CBX1: variants seen among roughly 807,000 people sequenced by gnomAD.
CBX1 encodes chromobox 1.
In CBX1, 10 loss-of-function variants were observed where a neutral mutation model predicts 25.1. The observed-to-expected ratio is 0.40, with a 90% CI of 0.25 to 0.68. The LOEUF is 0.68. Among genes scored for constraint, CBX1 ranks in the 30% least tolerant of loss-of-function variants. CBX1 has a pLI of 0.40. For synonymous variants in CBX1, 63 were observed against 79.4 expected (o/e 0.79, Z 1.10); for missense variants, 106 against 218.5 (o/e 0.49, Z 3.25).
chr17:48,083,773 G>C (rs988609355), intron 1 of CBX1, among the ~76,000 whole-genome samples: 2 of 150,018 alleles, frequency 1.3e-5, no homozygotes, highest in Admixed American at 6.6e-5. Flanking sequence ...ACAGTGAGCC[G>C]AGATTGCGCC....
chr17:48,074,007 C>A (rs1258999605), intron 4 of CBX1, among the ~76,000 whole-genome samples: 1 of 152,108 alleles, frequency 6.6e-6, no homozygotes, highest in Non-Finnish European at 1.5e-5. Flanking sequence ...ATGAACTTTT[C>A]TCTTATAGGT....
intron 1 of CBX1, among the ~76,000 whole-genome samples, chr17:48,096,788 G>C (rs1255997121): frequency 6.6e-6 from 1 of 150,650 alleles, no homozygotes; most frequent in Non-Finnish European, 1.5e-5. Flanking sequence ...AAAAAGAAAA[G>C]AAAAACAAAA....
At chr17:48,098,171 T>G (rs2144476562) in intron 1 of CBX1, among the ~76,000 whole-genome samples, 1 of 152,046 alleles carries the variant, frequency 6.6e-6, no homozygotes, top group East Asian at 1.9e-4. Context: ...GGACTGCTTG[T>G]GTCCAGGAGG....
chr17:48,079,165 GCA>G (rs1371004626), intron 1 of CBX1, among the ~76,000 whole-genome samples: 1 of 151,228 alleles, frequency 6.6e-6, no homozygotes, highest in Non-Finnish European at 1.5e-5. Flanking sequence ...GAGTGCAGTG[GCA>G]CAGTCTTGGC....
intron 1 of CBX1, among the ~76,000 whole-genome samples, chr17:48,080,091 G>A (rs2037716229): frequency 6.6e-6 from 1 of 152,074 alleles, no homozygotes; most frequent in South Asian, 2.1e-4. Context: ...CGCCCAGGCT[G>A]CAGTGCAATG....
intron 4 of CBX1, among the ~76,000 whole-genome samples, chr17:48,073,824 C>CAAAAAAAAAAAAAAAAAAAAAAAAAAAA (rs60857566): frequency 8.5e-5 from 7 of 82,484 alleles, no homozygotes; most frequent in East Asian, 3.3e-4. Flanking sequence ...GAGACTGTCT[C>CAAAAAAAAAAAAAAAAAAAAAAAAAAAA]AAAAAAAAAA....
chr17:48,079,411 C>G (rs944411113), intron 1 of CBX1, among the ~76,000 whole-genome samples: 4 of 152,210 alleles, frequency 2.6e-5, no homozygotes, highest in African/African-American at 7.2e-5. Flanking sequence ...CAGCCATGTT[C>G]TCTTGTTCTT....
intron 1 of CBX1, among the ~76,000 whole-genome samples, chr17:48,084,712 C>T (rs1184950843): frequency 6.7e-6 from 1 of 149,266 alleles, no homozygotes; most frequent in Non-Finnish European, 1.5e-5. Flanking sequence ...AGATCGAGAC[C>T]ATCCTGGCTA....
chr17:48,087,816 G>A (rs893730034), intron 1 of CBX1, among the ~76,000 whole-genome samples: 34 of 143,758 alleles, frequency 2.4e-4, no homozygotes, highest in African/African-American at 8.3e-4. Flanking sequence ...AGGTTGCAGT[G>A]AGCTGAGATT....
intron 1 of CBX1, among the ~76,000 whole-genome samples, chr17:48,079,390 G>A (rs1181339012): frequency 3.3e-5 from 5 of 152,248 alleles, no homozygotes; most frequent in African/African-American, 7.2e-5. Flanking sequence ...ACAGGCATGA[G>A]CCACTGTGCC....
intron 1 of CBX1, among the ~76,000 whole-genome samples, chr17:48,093,248 C>G (rs1277312839): frequency 1.3e-5 from 2 of 150,118 alleles, no homozygotes; most frequent in Non-Finnish European, 3.0e-5. Flanking sequence ...GCATTCCAGC[C>G]TGGGCAATAG....
chr17:48,082,229 G>A (rs946493345), intron 1 of CBX1, among the ~76,000 whole-genome samples: 3 of 151,768 alleles, frequency 2.0e-5, no homozygotes, highest in African/African-American at 7.3e-5. Context: ...GAGGCTGGGC[G>A]TGGTGGCTCA....
At chr17:48,101,181 G>C in intron 1 of CBX1, 87 bp downstream of exon 1, 1 of 988,396 alleles carries the variant, frequency 1.0e-6, no homozygotes, top group Non-Finnish European at 1.2e-6. Flanking sequence ...CCTCCGCCTC[G>C]AAAGCGCGTT....
chr17:48,081,359 T>C (rs953316997), intron 1 of CBX1, among the ~76,000 whole-genome samples: 1 of 152,152 alleles, frequency 6.6e-6, no homozygotes, highest in Non-Finnish European at 1.5e-5. Context: ...GGAACAGTCA[T>C]AGAATGGCAT....
chr17:48,074,767 C>T (rs1399484529), intron 4 of CBX1, among the ~76,000 whole-genome samples: 1 of 152,160 alleles, frequency 6.6e-6, no homozygotes, highest in Admixed American at 6.5e-5. Flanking sequence ...TCTTTCCACT[C>T]TAGATTGTCT....
At chr17:48,081,521 C>G (rs1307398914) in intron 1 of CBX1, among the ~76,000 whole-genome samples, 1 of 152,188 alleles carries the variant, frequency 6.6e-6, no homozygotes, top group Non-Finnish European at 1.5e-5. Flanking sequence ...TCACTGCAAC[C>G]TTCACCTCCT....
intron 1 of CBX1, among the ~76,000 whole-genome samples, chr17:48,100,064 G>A (rs1415953430): frequency 3.4e-5 from 5 of 147,756 alleles, no homozygotes; most frequent in Non-Finnish European, 7.4e-5. Flanking sequence ...GCATGAATCC[G>A]GGAGGTGGAG....
rs1363811081 is a variant in CBX1, at chr17:48,070,118, A to G, written c.*1317T>C. The G allele has an allele frequency of 6.6e-6, 1 of 152,670 alleles. No homozygotes were observed. Among genetic ancestry groups the G allele is most frequent in the Admixed American group, 6.5e-5 (1 of 15,282 alleles). The allele number at this position is 152,670 out of a possible 1,614,324, so 9.5% of individuals were successfully genotyped here. A position where few individuals can be genotyped will look rare whatever the true frequency, so the allele number is the denominator to read the frequency against. On this transcript the variant is annotated 3_prime_UTR_variant, in exon 5 of 5. Coordinates refer to ENST00000225603, the MANE Select transcript of CBX1 (RefSeq NM_001127228.2). The stretch of plus-strand genomic sequence containing the variant: ...ACAATGTAGTATGAAGTTTACATTT[A>G]AACAAAGTTTACACAGAAATCTAAC...
At chr17:48,100,905 C>A in intron 1 of CBX1, 1 of 985,736 alleles carries the variant, frequency 1.0e-6, no homozygotes, top group East Asian at 1.1e-4. Flanking sequence ...CGCCTCCTCA[C>A]GCCTATCCAA....
Sources: allele counts gnomAD v4.1 joint callset (sites outside exome capture counted in the v4.1 genomes callset), GRCh38; gene constraint gnomAD v4.1.1; transcripts MANE v1.5; gene names NCBI Gene and HGNC (gene_info 2026-07-23, HGNC 2026-07-21).